Variants in CNP observed in about 807,000 individuals in gnomAD.
CNP encodes the protein 2',3'-cyclic-nucleotide 3'-phosphodiesterase.
In CNP, 8 loss-of-function variants were observed where a neutral mutation model predicts 37.9. The observed-to-expected ratio is 0.21, with a 90% CI of 0.12 to 0.38. CNP has a LOEUF of 0.38. CNP is among the 10% of genes least tolerant of loss of function. The pLI, the probability that CNP is intolerant of heterozygous loss-of-function variation, is 1.00. For synonymous variants in CNP, 237 were observed against 238.3 expected (o/e 0.99, Z 0.05); for missense variants, 457 against 551.0 (o/e 0.83, Z 1.71).
In CNP at chr17:41,968,740, T is replaced by C. The variant is rs1555643346; in HGVS notation, c.676T>C (p.Phe226Leu). The C allele has an allele frequency of 1.2e-6, 2 of 1,606,588 alleles. No homozygotes were observed. Among genetic ancestry groups the C allele is most frequent in the East Asian group, 2.2e-5 (1 of 44,718 alleles). Reference sequence around the variant, plus strand: ...GGCCTTCAAGAAGGAGCTGCGACAATGTAGGTGGCAGGTTGGGGCCTTATA... The same window carrying C: ...GGCCTTCAAGAAGGAGCTGCGACAACGTAGGTGGCAGGTTGGGGCCTTATA... The part of the protein sequence containing the change: ...HKAFKKELRQ[F>L]VPGDEPREKM... Residue 226 changes from phenylalanine (F) to leucine (L), a missense_variant and splice_region_variant, in exon 2 of 4, where the codon TTC (phenylalanine) becomes CTC (leucine). By Grantham distance (22) the Phe-to-Leu change is conservative. This residue lies in a region of CNP where 291 missense variants were observed against 291.7 expected (regional missense o/e 1.00). Coordinates refer to ENST00000393892, the MANE Select transcript of CNP (RefSeq NM_033133.5). This position sits in a 1 kb window ranked among gnomAD's most constrained non-coding sequence, Gnocchi z 4.8.
At position 41,972,022 on chromosome 17, in the gene CNP, T is replaced by G. The variant is rs370341204; in HGVS notation, c.807T>G (p.Ala269=). 2.5e-6 allele frequency: 4 copies of G among 1,613,580 alleles called. No individual in the cohort carries two copies. The highest frequency in any genetic ancestry group is 3.4e-6 in the Non-Finnish European group (4 of 1,179,750). The change falls in exon 3 of 4, where the codon GCT becomes GCG. Residue 269 remains alanine, a synonymous_variant. Transcript: ENST00000393892. ...YGKAPGAEEY[A]QQDVLKKSYS... Reference sequence around the variant, plus strand: ...AGGCTCCCGGGGCAGAGGAGTACGCTCAACAAGATGTGAGTCTTCCCCAGG... The same window carrying G: ...AGGCTCCCGGGGCAGAGGAGTACGCGCAACAAGATGTGAGTCTTCCCCAGG...
rs1369754757 is a variant in CNP at position 41,971,882 on chromosome 17, C to G, written c.677-10C>G. ...CCCCTGCCCTGACTGCACCCGTTTT[C>G]TCCCGGCAGTCGTCCCTGGGGATGA... On this transcript the variant is annotated splice_polypyrimidine_tract_variant and intron_variant, in intron 2 of 3. Coordinates refer to ENST00000393892, the MANE Select transcript of CNP (RefSeq NM_033133.5). The G allele has an allele frequency of 1.9e-6, 3 of 1,613,618 alleles. No homozygotes were observed. In the Admixed American group the frequency reaches 5.0e-5, roughly 27 times the overall value.
At position 41,968,059 on chromosome 17, in the gene CNP, C is replaced by T. The variant is rs781827217; in HGVS notation, c.4-9C>T. The T allele has an allele frequency of 2.6e-5, 41 of 1,606,808 alleles. No individual in the cohort carries two copies. Among genetic ancestry groups the T allele is most frequent in the Non-Finnish European group, 3.1e-5 (36 of 1,175,754 alleles). On this transcript the variant is annotated splice_polypyrimidine_tract_variant and intron_variant, in intron 1 of 3. Coordinates refer to ENST00000393892, the MANE Select transcript of CNP (RefSeq NM_033133.5). This position sits in a 1 kb window ranked among gnomAD's most constrained non-coding sequence, Gnocchi z 4.8. ...ACCTGGGCTGACATCTCTTCCCCTC[C>T]TTACACAGAACAGAGGCTTCTCCCG...
chr17:41,973,350 T>G (rs1555644117), intron 3 of CNP, 125 bp from the exon 4 acceptor site: 1 of 902,072 alleles, frequency 1.1e-6, no homozygotes, highest in Non-Finnish European at 1.7e-6. Context: ...TACCGACCCC[T>G]GCTCAGCTGT....
chr17:41,972,055 G>C lies in CNP; in HGVS notation c.816+24G>C, dbSNP rs1555643910. On this transcript the variant is annotated intron_variant, in intron 3 of 3. Coordinates refer to ENST00000393892, the MANE Select transcript of CNP (RefSeq NM_033133.5). ...ATGTGAGTCTTCCCCAGGGACACATGGGGGAGGTGGGAGGTTGGGGGAGAA... is the reference window on the plus strand; with the variant it reads ...ATGTGAGTCTTCCCCAGGGACACATCGGGGAGGTGGGAGGTTGGGGGAGAA... The C allele has an allele frequency of 5.0e-6, 8 of 1,610,318 alleles. No individual in the cohort carries two copies. In the African/African-American group the frequency reaches 6.7e-5, roughly 13 times the overall value.
rs369504990 is a variant in CNP at position 41,973,679 on chromosome 17, G to A, written c.1021G>A (p.Ala341Thr). 7 of 1,613,810 alleles carry A rather than the reference G, an allele frequency of 4.3e-6. No individual in the cohort carries two copies. Among genetic ancestry groups the A allele is most frequent in the Non-Finnish European group, 5.9e-6 (7 of 1,179,976 alleles). ...ITLGCAADVE[A>T]VQTGLDLLEI... ...CCTCGGCTGTGCAGCTGACGTAGAG[G>A]CCGTGCAGACGGGCCTTGACCTCTT... The change falls in exon 4 of 4, where the codon GCC becomes ACC. Residue 341 changes from alanine (A) to threonine (T), a missense_variant. Physicochemically the swap from Ala to Thr is moderately conservative, Grantham distance 58 (BLOSUM62 0). Around this residue, in one of 2 missense-constraint regions of CNP, gnomAD observed 291 missense variants for 291.7 expected, o/e 1.00. Transcript: ENST00000393892.
chr17:41,973,861 C>T lies in CNP; in HGVS notation c.1203C>T (p.Gly401=), dbSNP rs1401824620. The part of the protein sequence containing the change: ...RAIFTGYYGK[G]KPVPTQGSRK... ...TCTTCACGGGGTACTACGGGAAAGG[C>T]AAACCTGTGCCCACGCAAGGTAGCC... is the stretch of plus-strand genomic sequence containing the variant. Residue 401 remains glycine, a synonymous_variant, in exon 4 of 4, where the codon GGC becomes GGT. Transcript: ENST00000393892. The T allele has an allele frequency of 6.3e-7, 1 of 1,591,122 alleles. No homozygotes were observed. The highest frequency in any genetic ancestry group is 2.2e-5 in the East Asian group (1 of 44,612).
chr17:41,973,382 C>T (rs1401177398), intron 3 of CNP, 93 bp from the exon 4 acceptor site: 12 of 1,209,914 alleles, frequency 9.9e-6, no homozygotes, highest in East Asian at 2.3e-5. Flanking sequence ...TTAGACTTCC[C>T]CTTCTCTCCT....
chr17:41,969,155 C>T (rs556649947), intron 2 of CNP, among the ~76,000 whole-genome samples: 3 of 152,156 alleles, frequency 2.0e-5, no homozygotes, highest in East Asian at 3.9e-4. Context: ...GAATCATGTT[C>T]CAAAAAATAA....
chr17:41,967,069 G>A (rs2033221584), intron 1 of CNP, 182 bp downstream of exon 1: 1 of 572,910 alleles, frequency 1.7e-6, no homozygotes, highest in Admixed American at 4.4e-5. Flanking sequence ...GGGTGCCGGA[G>A]AGGCCGCTGT....
At chr17:41,967,520 G>T (rs940084082) in intron 1 of CNP, 132 of 307,792 alleles carry the variant, frequency 4.3e-4, no homozygotes, top group African/African-American at 2.7e-3. Context: ...CAGGCTTGGT[G>T]AAAGAGGGCC....
chr17:41,966,908 G>A, intron 1 of CNP, 21 bp downstream of exon 1: 3 of 1,336,928 alleles, frequency 2.2e-6, no homozygotes, highest in Non-Finnish European at 2.9e-6. Flanking sequence ...GGGCGGGGCC[G>A]GGCACGGGGT....
In CNP at chr17:41,968,133, C is replaced by G. The variant is rs782010781; in HGVS notation, c.69C>G (p.Ser23=). 5 of 1,614,238 alleles carry G rather than the reference C, an allele frequency of 3.1e-6. No individual in the cohort carries two copies. Among genetic ancestry groups the G allele is most frequent in the Non-Finnish European group, 4.2e-6 (5 of 1,180,046 alleles). The change falls in exon 2 of 4, where the codon TCC becomes TCG. Residue 23 remains serine (S), a synonymous_variant. Transcript: ENST00000393892. This position sits in a 1 kb window ranked among gnomAD's most constrained non-coding sequence, Gnocchi z 4.8. ...LPKIFFRKMS[S]SGAKDKPELQ... is the part of the protein sequence containing the mutation. The stretch of plus-strand genomic sequence containing the variant: ...AGATCTTCTTCCGCAAGATGTCATC[C>G]TCAGGGGCCAAGGACAAGCCTGAGC...
rs1555643165 is a variant in CNP, at chr17:41,968,018, G to A, written c.4-50G>A. The A allele has an allele frequency of 3.2e-6, 5 of 1,569,922 alleles. No individual in the cohort carries two copies. The highest frequency in any genetic ancestry group is 1.3e-5 in the African/African-American group (1 of 74,220). On this transcript the variant is annotated intron_variant, in intron 1 of 3. Coordinates refer to ENST00000393892, the MANE Select transcript of CNP (RefSeq NM_033133.5). This position sits in a 1 kb window ranked among gnomAD's most constrained non-coding sequence, Gnocchi z 4.8. ...TCTAGGGACTAGGGGTAAGGCCGGC[G>A]GGGAGCCCGCGAATGACCTGGGCTG...
At position 41,973,635 on chromosome 17, in the gene CNP, G is replaced by C. The variant is rs1295173775; in HGVS notation, c.977G>C (p.Gly326Ala). ...TCACCCACTGACAACCTGCCGCGGGGGAGCCGCGCCCACATCACCCTCGGC... is the reference window on the plus strand; with the variant it reads ...TCACCCACTGACAACCTGCCGCGGGCGAGCCGCGCCCACATCACCCTCGGC... Reference protein sequence around the residue: ...KLSPTDNLPRGSRAHITLGCA... With the variant: ...KLSPTDNLPRASRAHITLGCA... The change falls in exon 4 of 4, where the codon GGG (glycine) becomes GCG (alanine). Residue 326 changes from glycine (G) to alanine (A), a missense_variant. This residue lies in a region of CNP where 291 missense variants were observed against 291.7 expected (regional missense o/e 1.00). Coordinates refer to ENST00000393892, the MANE Select transcript of CNP (RefSeq NM_033133.5). 6.2e-6 allele frequency: 10 copies of C among 1,614,052 alleles called. No homozygotes were observed. Among genetic ancestry groups the C allele is most frequent in the Non-Finnish European group, 8.5e-6 (10 of 1,180,050 alleles).
rs1443783030 is a variant in CNP at position 41,975,619 on chromosome 17, G to C, written c.*1695G>C. 6.6e-6 allele frequency: 1 copy of C among 152,202 alleles called. No homozygotes were observed. 9.4% of individuals were successfully genotyped at this position (152,202 alleles called of 1,614,324 possible). A position where few individuals can be genotyped will look rare whatever the true frequency, so the allele number is the denominator to read the frequency against. ...TTGAGTCCCTTCCAGGCCATCAGAG[G>C]CCTAGTCAGCCACATGGGAAACTTC... On this transcript the variant is annotated 3_prime_UTR_variant, in exon 4 of 4. Coordinates refer to ENST00000393892, the MANE Select transcript of CNP (RefSeq NM_033133.5).
rs782498838 is a variant in CNP, at chr17:41,973,960, G to A, written c.*36G>A. The stretch of plus-strand genomic sequence containing the variant: ...CACCACTTATGCCCCTAGAAGGGAA[G>A]GGGAGAGGGAAACGTGCCCTCTGTT... On this transcript the variant is annotated 3_prime_UTR_variant, in exon 4 of 4. Coordinates refer to ENST00000393892, the MANE Select transcript of CNP (RefSeq NM_033133.5). 2.6e-5 allele frequency: 37 copies of A among 1,414,970 alleles called. No homozygotes were observed. Among genetic ancestry groups the A allele is most frequent in the South Asian group, 2.2e-4 (13 of 58,792 alleles). The allele number at this position is 1,414,970 out of a possible 1,614,324, so 87.7% of individuals were successfully genotyped here. A position where few individuals can be genotyped will look rare whatever the true frequency, so the allele number is the denominator to read the frequency against.
In CNP at chr17:41,968,055, C is replaced by A; in HGVS notation, c.4-13C>A. On this transcript the variant is annotated splice_polypyrimidine_tract_variant and intron_variant, in intron 1 of 3. Coordinates refer to ENST00000393892, the MANE Select transcript of CNP (RefSeq NM_033133.5). This position sits in a 1 kb window ranked among gnomAD's most constrained non-coding sequence, Gnocchi z 4.8. ...AATGACCTGGGCTGACATCTCTTCC[C>A]CTCCTTACACAGAACAGAGGCTTCT... The A allele has an allele frequency of 3.7e-6, 6 of 1,601,020 alleles. No individual in the cohort carries two copies. Among genetic ancestry groups the A allele is most frequent in the Non-Finnish European group, 5.1e-6 (6 of 1,171,594 alleles).
chr17:41,972,691 C>G (rs1298340081), intron 3 of CNP, among the ~76,000 whole-genome samples: 4 of 152,168 alleles, frequency 2.6e-5, no homozygotes, highest in Non-Finnish European at 5.9e-5. Context: ...GGAAGCTCCC[C>G]TGAGGGCGAG....
Sources: gnomAD v4.1 joint callset for allele counts (sites outside exome capture counted in the v4.1 genomes callset) on GRCh38, gnomAD v4.1.1 for gene constraint, gnomAD v4.1.1 regional missense constraint, Gnocchi (gnomAD v3.1) non-coding constraint, MANE v1.5 for transcripts, NCBI Gene and HGNC (gene_info 2026-07-23, HGNC 2026-07-21) for gene names.